Variants in SCTR observed in about 807,000 individuals in gnomAD.
SCTR encodes the protein secretin receptor.
In SCTR, 56 loss-of-function variants were observed where a neutral mutation model predicts 60.8. The ratio of observed to expected loss-of-function variants is 0.92; its 90% CI spans 0.74 to 1.15. SCTR has a LOEUF of 1.15. Ranked by LOEUF, SCTR falls within the 50% of genes most tolerant of loss-of-function variation. The probability of loss-of-function intolerance (pLI) is 0.00; values close to 1 mark genes in which losing one functional copy is unlikely to be tolerated. For synonymous variants in SCTR, 202 were observed against 217.0 expected (o/e 0.93, Z 0.61); for missense variants, 562 against 550.4 (o/e 1.02, Z -0.21).
intron 3 of SCTR, among the ~76,000 whole-genome samples, chr2:119,478,404 G>A (rs935006136): frequency 2.6e-5 from 4 of 152,240 alleles, no homozygotes; most frequent in African/African-American, 9.6e-5. Context: ...GCCTGACAGT[G>A]GAAGGAAGTA....
At chr2:119,507,968 C>A (rs959234188) in intron 1 of SCTR, among the ~76,000 whole-genome samples, 1 of 152,148 alleles carries the variant, frequency 6.6e-6, no homozygotes, top group Admixed American at 6.6e-5. Flanking sequence ...TCTTACCACC[C>A]GTCTCTTTTG....
At chr2:119,486,143 G>C (rs56126845) in intron 2 of SCTR, 2 of 152,088 alleles carry the variant, frequency 1.3e-5, no homozygotes, top group African/African-American at 4.8e-5. Context: ...AAGAGTCTTG[G>C]AACCAGGAAT....
intron 1 of SCTR, among the ~76,000 whole-genome samples, chr2:119,508,998 C>A (rs1384863274): frequency 6.6e-6 from 1 of 152,216 alleles, no homozygotes; most frequent in Admixed American, 6.5e-5. Flanking sequence ...GCTGTAGTTA[C>A]AAGTACTGGT....
chr2:119,459,477 A>G (rs10165398), intron 7 of SCTR, among the ~76,000 whole-genome samples: 24,841 of 151,918 alleles, frequency 0.16, 2,180 homozygotes, highest in East Asian at 0.3. Context: ...TAAGCAACCT[A>G]TCTTTGATGA....
At chr2:119,507,879 A>T (rs1002028343) in intron 1 of SCTR, among the ~76,000 whole-genome samples, 1 of 151,894 alleles carries the variant, frequency 6.6e-6, no homozygotes, top group Non-Finnish European at 1.5e-5. Context: ...GAGTTTCACC[A>T]CATTGGCCAG....
At chr2:119,461,732 A>AAT in intron 7 of SCTR, 115 bp downstream of exon 7, 1 of 668,222 alleles carries the variant, frequency 1.5e-6, no homozygotes, top group Non-Finnish European at 2.3e-6. Context: ...AAAAAAAAAA[A>AAT]GATTACACAA....
intron 1 of SCTR, among the ~76,000 whole-genome samples, chr2:119,523,422 TTATTA>T (rs1679350782): frequency 1.4e-5 from 2 of 147,226 alleles, no homozygotes; most frequent in South Asian, 4.3e-4. Context: ...ATTATTATTA[TTATTA>T]TTATTATTAT....
At position 119,489,209 on chromosome 2, in the gene SCTR, C is replaced by T. The variant is rs147297231; in HGVS notation, c.193+5219G>A. ...TAGACCCTGGAAAGCATCCCTCCAC[C>T]GGTGACCAGGACCACGTTGCTCGCC... On this transcript the variant is annotated intron_variant, in intron 2 of 12. Coordinates refer to ENST00000019103, the MANE Select transcript of SCTR (RefSeq NM_002980.3). 6.1e-3 allele frequency among the ~76,000 whole-genome samples: 935 copies of T among 152,314 alleles called. 6 individuals are homozygous for T. The highest frequency in any genetic ancestry group is 0.017 in the South Asian group (84 of 4,824).
At chr2:119,507,280 T>C (rs887517057) in intron 1 of SCTR, among the ~76,000 whole-genome samples, 1 of 152,226 alleles carries the variant, frequency 6.6e-6, no homozygotes, top group South Asian at 2.1e-4. Context: ...CAAACTTATA[T>C]GTACAGTATG....
chr2:119,440,048 C>T lies in SCTR; in HGVS notation c.*69G>A. On this transcript the variant is annotated 3_prime_UTR_variant, in exon 13 of 13. Transcript: ENST00000019103. ...GTGTCTGCTGGGAAGACTGGCTGTCCCACAGCAGTGCCCAGCCTTCGCAGG... is the reference window on the plus strand; with the variant it reads ...GTGTCTGCTGGGAAGACTGGCTGTCTCACAGCAGTGCCCAGCCTTCGCAGG... The T allele has an allele frequency of 1.3e-6, 2 of 1,513,724 alleles. No individual in the cohort carries two copies. The highest frequency in any genetic ancestry group is 2.3e-5 in the East Asian group (1 of 43,742). The allele number at this position is 1,513,724 out of a possible 1,614,324, so 93.8% of individuals were successfully genotyped here.
chr2:119,519,826 AAG>A (rs70947299), intron 1 of SCTR, among the ~76,000 whole-genome samples: 1,489 of 55,568 alleles, frequency 0.027, 70 homozygotes, highest in East Asian at 0.19. Flanking sequence ...AAAAAAAAAA[AAG>A]AAAAAAAGAA....
At chr2:119,469,064 C>T (rs73951115) in intron 4 of SCTR, among the ~76,000 whole-genome samples, 1,574 of 152,228 alleles carry the variant, frequency 0.01, 25 homozygotes, top group African/African-American at 0.035. Flanking sequence ...TGTAACTGCT[C>T]TCCTGAGAGC....
intron 6 of SCTR, among the ~76,000 whole-genome samples, chr2:119,463,168 C>A (rs1286223687): frequency 6.6e-6 from 1 of 152,146 alleles, no homozygotes; most frequent in Non-Finnish European, 1.5e-5. Flanking sequence ...AATCTCTTTT[C>A]TCCCTTGCTC....
At chr2:119,501,323 T>G (rs1186984525) in intron 1 of SCTR, among the ~76,000 whole-genome samples, 3 of 151,704 alleles carry the variant, frequency 2.0e-5, no homozygotes, top group Non-Finnish European at 4.4e-5. Flanking sequence ...GGCAGGAGAA[T>G]GGGGTGAACC....
In SCTR at chr2:119,485,634, C is replaced by T. The variant is rs1174966595; in HGVS notation, c.194-6716G>A. Among the ~76,000 whole-genome samples the T allele has an allele frequency of 3.9e-5, 6 of 152,240 alleles. No homozygotes were observed. The East Asian group carries it at 9.6e-4, about 24-fold the overall frequency. The stretch of plus-strand genomic sequence containing the variant: ...GGGCCATGCTGAACTGGGCCACTCA[C>T]ACCCCTCCATGTCCCTGGTGCTCAC... On this transcript the variant is annotated intron_variant, in intron 2 of 12. Transcript: ENST00000019103.
At chr2:119,474,498 T>C (rs1458997764) in intron 3 of SCTR, among the ~76,000 whole-genome samples, 1 of 152,202 alleles carries the variant, frequency 6.6e-6, no homozygotes, top group Non-Finnish European at 1.5e-5. Flanking sequence ...GGCTGGGATC[T>C]GGCTCCCCAG....
intron 1 of SCTR, among the ~76,000 whole-genome samples, chr2:119,505,528 A>G (rs182654556): frequency 6.6e-6 from 1 of 152,308 alleles, no homozygotes; most frequent in East Asian, 1.9e-4. Flanking sequence ...ATGCAGCCAT[A>G]AAAAATGATG....
chr2:119,479,380 G>T, intron 2 of SCTR: 1 of 626,792 alleles, frequency 1.6e-6, no homozygotes, highest in Non-Finnish European at 2.0e-6. Context: ...GAATTGGTTT[G>T]GGTGGGCCCA....
chr2:119,489,313 C>A (rs892217815), intron 2 of SCTR, among the ~76,000 whole-genome samples: 1 of 152,190 alleles, frequency 6.6e-6, no homozygotes. Flanking sequence ...CAAGGCTCCA[C>A]CTCATCTCCC....
Sources: gnomAD v4.1 joint callset for allele counts (sites outside exome capture counted in the v4.1 genomes callset) on GRCh38, gnomAD v4.1.1 for gene constraint, MANE v1.5 for transcripts, NCBI Gene and HGNC (gene_info 2026-07-23, HGNC 2026-07-21) for gene names.